USP9X: variants seen among roughly 807,000 people sequenced by gnomAD.
USP9X encodes the protein ubiquitin specific peptidase 9 X-linked.
Under a neutral mutation model 190.3 loss-of-function variants are expected in USP9X, and 7 were observed. The observed-to-expected ratio is 0.04, with a 90% CI of 0.02 to 0.07. USP9X has a LOEUF of 0.07. Among genes scored for constraint, USP9X ranks in the 10% least tolerant of loss-of-function variants. The pLI is 1.00. For missense variants in USP9X, 1,010 were observed against 1,916.9 expected (o/e 0.53, Z 8.83); for synonymous variants, 645 against 659.5 (o/e 0.98, Z 0.34).
intron 4 of USP9X, among the ~76,000 whole-genome samples, chrX:41,134,456 G>A (rs768581894): frequency 9.8e-5 from 11 of 112,398 alleles, no homozygotes; most frequent in African/African-American, 3.5e-4. Flanking sequence ...TAAGGTCAAA[G>A]ACTTATTTTC....
intron 14 of USP9X, among the ~76,000 whole-genome samples, chrX:41,155,198 G>A (rs1333967192): frequency 7.2e-5 from 8 of 111,217 alleles, no homozygotes; most frequent in Admixed American, 4.8e-4. Context: ...GCTTTTGGGG[G>A]AAAAACATTT....
chrX:41,230,455 T>C, intron 43 of USP9X, 46 bp from the exon 44 acceptor site: 1 of 1,117,668 alleles, frequency 8.9e-7, no homozygotes, highest in Non-Finnish European at 1.2e-6. Context: ...AAAAGTAAAC[T>C]TGAGTTTGCC....
chrX:41,170,395 G>T, intron 19 of USP9X, 75 bp from the exon 20 acceptor site: 5 of 1,132,610 alleles, frequency 4.4e-6, no homozygotes, highest in Non-Finnish European at 4.8e-6. Flanking sequence ...TTTTTGGTTG[G>T]TATATCACTA....
intron 32 of USP9X, 94 bp downstream of exon 32, chrX:41,205,587 C>A: frequency 4.5e-5 from 32 of 709,930 alleles, no homozygotes; most frequent in South Asian, 8.9e-5. Context: ...TGGAAGGCAT[C>A]TTTTTTTAAG....
chrX:41,192,526 C>T (rs1171003973), intron 26 of USP9X, among the ~76,000 whole-genome samples: 1 of 111,999 alleles, frequency 8.9e-6, no homozygotes. Flanking sequence ...GACTTTGCCA[C>T]TCCTGGGATA....
At position 41,210,777 on chromosome X, in the gene USP9X, A is replaced by G. The variant is rs1020174821; in HGVS notation, c.5189+95A>G. 3 of 831,047 alleles carry G rather than the reference A, an allele frequency of 3.6e-6. No individual in the cohort carries two copies. The African/African-American group carries it at 6.2e-5, about 17-fold the overall frequency. The allele number at this position is 831,047 out of a possible 1,213,427, so 68.5% of individuals were successfully genotyped here. ...TAGTACTTACATACAAAAGTGGAGTATATCACTGATTACTAAATACCTGAA... is the reference window on the plus strand; with the variant it reads ...TAGTACTTACATACAAAAGTGGAGTGTATCACTGATTACTAAATACCTGAA... On this transcript the variant is annotated intron_variant, in intron 33 of 44. Transcript: ENST00000378308.
chrX:41,202,942 T>G (rs1376233712), intron 31 of USP9X, among the ~76,000 whole-genome samples: 1 of 111,551 alleles, frequency 9.0e-6, no homozygotes, highest in East Asian at 2.8e-4. Context: ...TTTGTGGGGT[T>G]TTTTGGGTTT....
chrX:41,161,994 C>T (rs1037321368), intron 14 of USP9X, among the ~76,000 whole-genome samples: 1 of 110,400 alleles, frequency 9.1e-6, no homozygotes, highest in African/African-American at 3.3e-5. Flanking sequence ...TTGCATATTC[C>T]AATATATGTG....
chrX:41,231,215 G>A (rs1358837243), intron 44 of USP9X, among the ~76,000 whole-genome samples: 4 of 111,645 alleles, frequency 3.6e-5, no homozygotes, highest in South Asian at 7.5e-4. Context: ...GGTTGCTCCA[G>A]CAGAGAGCTA....
chrX:41,189,951 G>A (rs1264667364), intron 26 of USP9X: 2 of 112,245 alleles, frequency 1.8e-5, no homozygotes, highest in Non-Finnish European at 3.7e-5. Flanking sequence ...ATCAGTGGCA[G>A]TAATTTTGTT....
chrX:41,090,620 A>G (rs1218349844), intron 1 of USP9X, among the ~76,000 whole-genome samples: 1 of 112,311 alleles, frequency 8.9e-6, no homozygotes, highest in Non-Finnish European at 1.9e-5. Flanking sequence ...GAGCTTTTTC[A>G]AAATATATAT....
At chrX:41,102,363 A>G (rs1230222087) in intron 1 of USP9X, among the ~76,000 whole-genome samples, 1 of 111,671 alleles carries the variant, frequency 9.0e-6, no homozygotes, top group African/African-American at 3.3e-5. Flanking sequence ...CATGCCTGTA[A>G]TCCCAGCACT....
In USP9X at chrX:41,123,744, A is replaced by T; in HGVS notation, c.96+20A>T. 8.4e-7 allele frequency: 1 copy of T among 1,190,102 alleles called. No homozygotes were observed. The highest frequency in any genetic ancestry group is 1.1e-6 in the Non-Finnish European group (1 of 878,580). On this transcript the variant is annotated intron_variant, in intron 2 of 44. Transcript: ENST00000378308. ...AATCAGGTAGGATGTTGAAGATACT[A>T]GTTAAAGCTACAGTGGGGCTGGACT...
At chrX:41,160,320 A>T (rs761241955) in intron 14 of USP9X, among the ~76,000 whole-genome samples, 2 of 109,039 alleles carry the variant, frequency 1.8e-5, no homozygotes. Flanking sequence ...TTATATATAT[A>T]CATATATATA....
At chrX:41,152,724 G>A (rs1465165433) in intron 13 of USP9X, among the ~76,000 whole-genome samples, 1 of 111,955 alleles carries the variant, frequency 8.9e-6, no homozygotes, top group Non-Finnish European at 1.9e-5. Context: ...GGTGAAGTTG[G>A]AGAATAGTGA....
At chrX:41,140,474 C>T (rs753432292) in intron 6 of USP9X, among the ~76,000 whole-genome samples, 182 bp from the exon 7 acceptor site, 2 of 111,931 alleles carry the variant, frequency 1.8e-5, no homozygotes, top group Non-Finnish European at 3.8e-5. Context: ...ATACTTACTA[C>T]GTATACTGCT....
At chrX:41,090,547 A>G (rs749208613) in intron 1 of USP9X, among the ~76,000 whole-genome samples, 3 of 112,442 alleles carry the variant, frequency 2.7e-5, no homozygotes, top group Non-Finnish European at 5.6e-5. Flanking sequence ...TGGATTTTCA[A>G]TTTTATTCTC....
At chrX:41,146,102 G>GATGAT (rs1264777336) in intron 11 of USP9X, among the ~76,000 whole-genome samples, 1 of 111,802 alleles carries the variant, frequency 8.9e-6, no homozygotes, top group Non-Finnish European at 1.9e-5. Context: ...CTTCCGAAAT[G>GATGAT]ATGATACGTG....
At chrX:41,197,631 A>G (rs1419044451) in intron 29 of USP9X, 121 bp downstream of exon 29, 4 of 628,281 alleles carry the variant, frequency 6.4e-6, no homozygotes, top group Non-Finnish European at 8.9e-6. Context: ...TCTCTTTTTT[A>G]AGAATCTTTA....
Sources: gnomAD v4.1 joint callset for allele counts (sites outside exome capture counted in the v4.1 genomes callset) on GRCh38, gnomAD v4.1.1 for gene constraint, MANE v1.5 for transcripts, NCBI Gene and HGNC (gene_info 2026-07-23, HGNC 2026-07-21) for gene names.